KCNH5: variants seen among roughly 807,000 people sequenced by gnomAD.
KCNH5 encodes potassium voltage-gated channel subfamily H member 5.
In KCNH5, 46 loss-of-function variants were observed where a neutral mutation model predicts 96.1. The observed-to-expected ratio is 0.48, with a 90% CI of 0.38 to 0.61. The LOEUF (loss-of-function observed/expected upper bound fraction) is 0.61, where lower values mean the gene tolerates loss of function less well. Among genes scored for constraint, KCNH5 ranks in the 20% least tolerant of loss-of-function variants. The probability of loss-of-function intolerance (pLI) is 0.00; values close to 1 mark genes in which losing one functional copy is unlikely to be tolerated. For missense variants in KCNH5, 907 were observed against 1,225.8 expected, an observed-to-expected ratio of 0.74 and a Z score of 3.88; for synonymous variants, 439 against 449.8, an observed-to-expected ratio of 0.98 and a Z score of 0.30.
intron 10 of KCNH5, among the ~76,000 whole-genome samples, chr14:62,741,909 T>G (rs1002403666): frequency 6.6e-6 from 1 of 152,158 alleles, no homozygotes; most frequent in South Asian, 2.1e-4. Context: ...CTAAAGACAA[T>G]GTAATATAAG....
intron 2 of KCNH5, among the ~76,000 whole-genome samples, chr14:63,008,891 T>G (rs1891174713): frequency 6.6e-6 from 1 of 152,138 alleles, no homozygotes. Context: ...AGCTTAATAT[T>G]GTACATAATA....
chr14:62,867,255 C>T (rs1228558774), intron 7 of KCNH5, among the ~76,000 whole-genome samples: 2 of 152,178 alleles, frequency 1.3e-5, no homozygotes, highest in Admixed American at 6.5e-5. Flanking sequence ...CTCTGCCGCA[C>T]CAAGGTTCAG....
intron 6 of KCNH5, among the ~76,000 whole-genome samples, chr14:62,971,258 C>T (rs755775203): frequency 1.3e-5 from 2 of 152,016 alleles, no homozygotes; most frequent in African/African-American, 2.4e-5. Flanking sequence ...AACCATAATG[C>T]CATTTACTTT....
chr14:62,892,986 C>T (rs986720803), intron 7 of KCNH5, among the ~76,000 whole-genome samples: 6 of 152,148 alleles, frequency 3.9e-5, no homozygotes, highest in African/African-American at 7.2e-5. Flanking sequence ...ATCCATTCTG[C>T]AGCCCATGGA....
chr14:62,864,929 G>A (rs1888105019), intron 7 of KCNH5, among the ~76,000 whole-genome samples: 1 of 152,154 alleles, frequency 6.6e-6, no homozygotes, highest in Non-Finnish European at 1.5e-5. Context: ...CACATGAGAG[G>A]CTGTTGCCAC....
At chr14:62,752,298 AG>A (rs1276489265) in intron 10 of KCNH5, among the ~76,000 whole-genome samples, 12 of 152,032 alleles carry the variant, frequency 7.9e-5, no homozygotes, top group Non-Finnish European at 1.8e-4. Context: ...TGCCAAGGAA[AG>A]ACCCCTTCTG....
rs1479112427 is a variant in KCNH5, at chr14:62,987,303, G to A, written c.434-116C>T. 1.7e-5 allele frequency: 12 copies of A among 702,922 alleles called. No individual in the cohort carries two copies. The Admixed American group carries it at 2.8e-4, about 16-fold the overall frequency. The allele number at this position is 702,922 out of a possible 1,614,324, so 43.5% of individuals were successfully genotyped here. A position where few individuals can be genotyped will look rare whatever the true frequency, so the allele number is the denominator to read the frequency against. ...ACATAACATCCAAAATGAATGCAAA[G>A]TATCAAACAAAAGTATTTTCTTTCC... On this transcript the variant is annotated intron_variant, in intron 4 of 10. Transcript: ENST00000322893.
Position 62,778,895 on chromosome 14 carries a change from T to C in KCNH5, c.2019+833A>G, listed in dbSNP as rs17100374. ...TGTTCATTTCTATGTTGCTACAGTA[T>C]AGACATTAATTTATCTCTTTGCTCA... On this transcript the variant is annotated intron_variant, in intron 10 of 10. Coordinates refer to ENST00000322893, the MANE Select transcript of KCNH5 (RefSeq NM_139318.5). 4.1e-3 allele frequency among the ~76,000 whole-genome samples: 619 copies of C among 152,370 alleles called. 8 individuals carry two copies. Among genetic ancestry groups the C allele is most frequent in the African/African-American group, 0.014 (579 of 41,588 alleles).
At chr14:62,712,709 A>G (rs778202458) in intron 10 of KCNH5, 1 of 779,030 alleles carries the variant, frequency 1.3e-6, no homozygotes, top group Non-Finnish European at 2.4e-6. Flanking sequence ...TGCCATGGAG[A>G]ACCATCCCTG....
intron 7 of KCNH5, among the ~76,000 whole-genome samples, chr14:62,874,265 A>C (rs1888323127): frequency 6.6e-6 from 1 of 152,176 alleles, no homozygotes; most frequent in Non-Finnish European, 1.5e-5. Context: ...ACAAGAACTT[A>C]AACAAATTTA....
At chr14:62,917,180 A>C (rs1382504193) in intron 7 of KCNH5, among the ~76,000 whole-genome samples, 1 of 152,162 alleles carries the variant, frequency 6.6e-6, no homozygotes, top group Non-Finnish European at 1.5e-5. Flanking sequence ...GCTGTACCTA[A>C]TACATAGCTT....
intron 6 of KCNH5, among the ~76,000 whole-genome samples, chr14:62,971,136 A>G (rs758737636): frequency 8.5e-5 from 13 of 152,108 alleles, no homozygotes; most frequent in Admixed American, 2.0e-4. Context: ...ATTGACCAAA[A>G]ACCATGAAAC....
rs1884600155 is a variant in KCNH5, at chr14:62,712,782, T to G, written c.2020-4327A>C. 18 of 741,818 alleles carry G rather than the reference T, an allele frequency of 2.4e-5. No homozygotes were observed. In the Admixed American group the frequency reaches 3.2e-4, roughly 13 times the overall value. The allele number at this position is 741,818 out of a possible 1,614,324, so 46.0% of individuals were successfully genotyped here. ...GCTGGGAAAGCGGTAGCCTAGACCT[T>G]GAAAGAGCTTTGTGCGAGGCAGTCT... On this transcript the variant is annotated intron_variant, in intron 10 of 10. Coordinates refer to ENST00000322893, the MANE Select transcript of KCNH5 (RefSeq NM_139318.5).
intron 10 of KCNH5, among the ~76,000 whole-genome samples, chr14:62,767,804 G>A (rs950926133): frequency 1.3e-5 from 2 of 151,954 alleles, no homozygotes; most frequent in African/African-American, 2.4e-5. Context: ...ATGTACCCCC[G>A]AACCTAAAAT....
At chr14:62,943,411 C>T (rs1002822067) in intron 7 of KCNH5, among the ~76,000 whole-genome samples, 1 of 152,042 alleles carries the variant, frequency 6.6e-6, no homozygotes, top group African/African-American at 2.4e-5. Flanking sequence ...TGAATAGCAG[C>T]AAAATTAGTC....
intron 9 of KCNH5, among the ~76,000 whole-genome samples, chr14:62,781,916 G>C (rs2139978104): frequency 6.6e-6 from 1 of 152,222 alleles, no homozygotes; most frequent in East Asian, 1.9e-4. Context: ...GAATGGGGAA[G>C]TGATAAGTGT....
intron 7 of KCNH5, among the ~76,000 whole-genome samples, chr14:62,919,697 C>A (rs916029376): frequency 1.3e-5 from 2 of 151,992 alleles, no homozygotes; most frequent in African/African-American, 4.8e-5. Context: ...AAGAAGTCTG[C>A]CGTTCATTGT....
chr14:63,026,534 C>T (rs892182135), intron 1 of KCNH5, among the ~76,000 whole-genome samples: 7 of 151,784 alleles, frequency 4.6e-5, no homozygotes, highest in African/African-American at 1.7e-4. Context: ...CAGATTAAAA[C>T]ATGGGCAAAG....
At chr14:62,918,854 A>C (rs1229459459) in intron 7 of KCNH5, among the ~76,000 whole-genome samples, 2 of 152,150 alleles carry the variant, frequency 1.3e-5, no homozygotes. Flanking sequence ...AATCTTCTAG[A>C]AATTTGCTCC....
Sources: gnomAD v4.1 joint callset for allele counts (sites outside exome capture counted in the v4.1 genomes callset) on GRCh38, gnomAD v4.1.1 for gene constraint, MANE v1.5 for transcripts, NCBI Gene and HGNC (gene_info 2026-07-23, HGNC 2026-07-21) for gene names.